The following SEMA6B variants were observed in gnomAD, a reference collection of about 807,000 sequenced individuals.
The protein encoded by SEMA6B is semaphorin 6B, also known as semaphorin-6B.
In SEMA6B, 47 loss-of-function variants were observed where a neutral mutation model predicts 78.6. The ratio of observed to expected loss-of-function variants is 0.60; its 90% CI spans 0.47 to 0.76. The LOEUF (loss-of-function observed/expected upper bound fraction) is 0.76. Ranked by LOEUF, SEMA6B falls within the 30% of genes least tolerant of loss-of-function variation. The pLI is 0.00. For missense variants in SEMA6B, 1,213 were observed against 1,269.9 expected (o/e 0.96, Z 0.68); for synonymous variants, 632 against 592.2 (o/e 1.07, Z -0.98).
At chr19:4,553,228 G>T (rs75750536) in intron 9 of SEMA6B, among the ~76,000 whole-genome samples, 9,369 of 151,724 alleles carry the variant, frequency 0.062, 423 homozygotes, top group Admixed American at 0.14. Context: ...GTGGATGGAT[G>T]AACAGATGGA....
In SEMA6B at chr19:4,542,969, C is replaced by G. The variant is rs374468538; in HGVS notation, c.*632G>C. On this transcript the variant is annotated 3_prime_UTR_variant, in exon 17 of 17. Transcript: ENST00000586582. Reference sequence around the variant, plus strand: ...CCGGGCCTTCTGGAAGCCCCAGCGTCGGCTCAGCCAACGCCCAGGCCGCTG... The same window carrying G: ...CCGGGCCTTCTGGAAGCCCCAGCGTGGGCTCAGCCAACGCCCAGGCCGCTG... 2.9e-6 allele frequency: 2 copies of G among 700,164 alleles called. No individual in the cohort carries two copies. The highest frequency in any genetic ancestry group is 3.0e-5 in the South Asian group (2 of 67,488). The allele number at this position is 700,164 out of a possible 1,614,324, so 43.4% of individuals were successfully genotyped here.
Position 4,548,280 on chromosome 19 carries a change from C to A in SEMA6B, c.1437G>T (p.Glu479Asp). Residue 479 changes from glutamate (E) to aspartate (D), a missense_variant, in exon 13 of 17, where the codon GAG (glutamate) becomes GAT (aspartate). Physicochemically the swap from Glu to Asp is conservative, Grantham distance 45. Transcript: ENST00000586582. ...SGLSVFLEEF[E>D]TYRPDRCGRP... is the part of the protein sequence containing the mutation. Reference sequence around the variant, plus strand: ...AGACTTACCTGTCCGGCCGGTAGGTCTCAAACTCCTCCAGGAAGACACTGA... The same window carrying A: ...AGACTTACCTGTCCGGCCGGTAGGTATCAAACTCCTCCAGGAAGACACTGA... The A allele has an allele frequency of 6.2e-7, 1 of 1,612,330 alleles. No homozygotes were observed. Among genetic ancestry groups the A allele is most frequent in the African/African-American group, 1.3e-5 (1 of 75,020 alleles).
rs368383042 is a variant in SEMA6B at position 4,555,815 on chromosome 19, C to T, written c.471+173G>A. ...CTTCCCCGGCCCCCTGTACAGGCCT[C>T]GTTTGGACAGCGCTGACTCCTCTTG... On this transcript the variant is annotated intron_variant, in intron 6 of 16. Transcript: ENST00000586582. This position sits in a 1 kb window ranked among gnomAD's most constrained non-coding sequence, Gnocchi z 6.1. Among the ~76,000 whole-genome samples, 1 of 152,182 alleles carries T rather than the reference C, an allele frequency of 6.6e-6. No homozygotes were observed. Among genetic ancestry groups the T allele is most frequent in the Non-Finnish European group, 1.5e-5 (1 of 68,026 alleles).
rs1977114357 is a variant in SEMA6B, at chr19:4,544,500, G to C, written c.1768C>G (p.Arg590Gly). ...GLLRASLSED[R>G]AGLVSVNLLV... The stretch of plus-strand genomic sequence containing the variant: ...AGGTTCACCGACACCAGCCCCGCGC[G>C]GTCCTCGGAGAGGCTGGCCCGCAGG... The change falls in exon 17 of 17, where the codon CGC becomes GGC. Residue 590 changes from arginine (R) to glycine (G), a missense_variant. Coordinates refer to ENST00000586582, the MANE Select transcript of SEMA6B (RefSeq NM_032108.4). This position sits in a 1 kb window ranked among gnomAD's most constrained non-coding sequence, Gnocchi z 5.1. 3.8e-6 allele frequency: 6 copies of C among 1,565,862 alleles called. No homozygotes were observed. The highest frequency in any genetic ancestry group is 3.6e-5 in the Admixed American group (2 of 55,692).
chr19:4,558,090 C>A lies in SEMA6B; in HGVS notation c.181G>T (p.Gly61Cys), dbSNP rs756333719. 4.6e-6 allele frequency: 7 copies of A among 1,527,098 alleles called. No homozygotes were observed. Among genetic ancestry groups the A allele is most frequent in the Non-Finnish European group, 6.2e-6 (7 of 1,128,934 alleles). 94.6% of individuals were successfully genotyped at this position (1,527,098 alleles called of 1,614,324 possible). Residue 61 changes from glycine (G) to cysteine (C), a missense_variant, in exon 3 of 17, where the codon GGT (glycine) becomes TGT (cysteine). By Grantham distance (159) the Gly-to-Cys change is radical. Coordinates refer to ENST00000586582, the MANE Select transcript of SEMA6B (RefSeq NM_032108.4). This position sits in a 1 kb window ranked among gnomAD's most constrained non-coding sequence, Gnocchi z 5.1. ...SGPGRLTPAE[G>C]ADDLNIQRVL... is the part of the protein sequence containing the mutation. The stretch of plus-strand genomic sequence containing the variant: ...CGCTGGATGTTGAGGTCGTCAGCAC[C>A]TTCTGCGGGGGTCAGGCGTCCGGGC...
intron 8 of SEMA6B, 36 bp downstream of exon 8, chr19:4,554,940 T>C (rs772809373): frequency 6.2e-6 from 10 of 1,606,190 alleles, no homozygotes; most frequent in Non-Finnish European, 8.5e-6. Context: ...TTCTGGGCCC[T>C]GCCAGGTCTG....
chr19:4,553,936 G>C (rs1977404953), intron 9 of SEMA6B, among the ~76,000 whole-genome samples: 1 of 152,088 alleles, frequency 6.6e-6, no homozygotes, highest in African/African-American at 2.4e-5. Context: ...TGGATGCATG[G>C]ACAGATGGAT....
intron 10 of SEMA6B, among the ~76,000 whole-genome samples, chr19:4,551,711 C>T (rs541534829): frequency 6.6e-6 from 1 of 151,970 alleles, no homozygotes; most frequent in Admixed American, 6.5e-5. Context: ...CGCCTGTAAT[C>T]CCAGCTACTA....
In SEMA6B at chr19:4,558,537, G is replaced by C. The variant is rs1977538404; in HGVS notation, c.-32-48C>G. The C allele has an allele frequency of 8.4e-7, 1 of 1,193,864 alleles. No individual in the cohort carries two copies. Among genetic ancestry groups the C allele is most frequent in the African/African-American group, 1.6e-5 (1 of 63,652 alleles). 74.0% of individuals were successfully genotyped at this position (1,193,864 alleles called of 1,614,324 possible). ...TGAGCGGCCTGCAGTCCCGCTCGTG[G>C]CCACAAGACGGCGGGCGAGAGCAGC... is the stretch of plus-strand genomic sequence containing the variant. On this transcript the variant is annotated intron_variant, in intron 1 of 16. Transcript: ENST00000586582. This position sits in a 1 kb window ranked among gnomAD's most constrained non-coding sequence, Gnocchi z 5.1.
chr19:4,558,089 C>CCTTCTGCG lies in SEMA6B; in HGVS notation c.174_181dup (p.Gly61AlafsTer31). The CCTTCTGCG allele has an allele frequency of 6.5e-7, 1 of 1,526,880 alleles. No individual in the cohort carries two copies. The highest frequency in any genetic ancestry group is 8.9e-7 in the Non-Finnish European group (1 of 1,128,762). 94.6% of individuals were successfully genotyped at this position (1,526,880 alleles called of 1,614,324 possible). On this transcript the variant is annotated frameshift_variant, in exon 3 of 17. Transcript: ENST00000586582. LOFTEE classifies it high-confidence loss of function. The surrounding 1 kb of genome is among the most constrained non-coding windows in gnomAD (Gnocchi z 5.1). ...TCGCTGGATGTTGAGGTCGTCAGCA[C>CCTTCTGCG]CTTCTGCGGGGGTCAGGCGTCCGGG...
intron 12 of SEMA6B, 150 bp from the exon 13 acceptor site, chr19:4,548,595 A>G: frequency 2.7e-6 from 2 of 738,570 alleles, no homozygotes; most frequent in Non-Finnish European, 4.4e-6. Context: ...GATGCCGGGG[A>G]CATGCGTGAC....
chr19:4,546,658 CT>C (rs1977176900), intron 14 of SEMA6B, among the ~76,000 whole-genome samples, 189 bp from the exon 15 acceptor site: 1 of 152,118 alleles, frequency 6.6e-6, no homozygotes, highest in African/African-American at 2.4e-5. Flanking sequence ...GAATTTCGCT[CT>C]TGTCGCCCAG....
rs1000153266 is a variant in SEMA6B at position 4,542,935 on chromosome 19, C to G, written c.*666G>C. ...GGGTTCAAACTCCTAACCGGCACCT[C>G]GGAGACCCCCGGGCCTTCTGGAAGC... On this transcript the variant is annotated 3_prime_UTR_variant, in exon 17 of 17. Coordinates refer to ENST00000586582, the MANE Select transcript of SEMA6B (RefSeq NM_032108.4). 2 of 700,864 alleles carry G rather than the reference C, an allele frequency of 2.9e-6. No individual in the cohort carries two copies. The highest frequency in any genetic ancestry group is 3.0e-5 in the South Asian group (2 of 67,508). 43.4% of individuals were successfully genotyped at this position (700,864 alleles called of 1,614,324 possible).
chr19:4,557,542 C>G (rs1245382558), intron 3 of SEMA6B, among the ~76,000 whole-genome samples: 1 of 152,224 alleles, frequency 6.6e-6, no homozygotes, highest in African/African-American at 2.4e-5. Flanking sequence ...GGAAGCCGCC[C>G]TGCTCAACGT....
chr19:4,554,558 G>T, intron 8 of SEMA6B, 82 bp from the exon 9 acceptor site: 1 of 1,069,372 alleles, frequency 9.4e-7, no homozygotes, highest in East Asian at 2.4e-5. Context: ...GGCTTTTATG[G>T]TGAAGGGGGG....
chr19:4,554,952 GC>G (rs1388012994), intron 8 of SEMA6B, 23 bp downstream of exon 8: 1 of 1,610,842 alleles, frequency 6.2e-7, no homozygotes, highest in Non-Finnish European at 8.5e-7. Flanking sequence ...CCAGGTCTGG[GC>G]CCACTGCCCT....
chr19:4,543,877 G>A lies in SEMA6B; in HGVS notation c.2391C>T (p.Arg797=). The change falls in exon 17 of 17, where the codon CGC becomes CGT. Residue 797 remains arginine, a synonymous_variant. Transcript: ENST00000586582. ...CCGTGGGCGCGGACACCACCCGCCG[G>A]CGGTCCGGGCTGGCGTGGGGGGTGA... ...FPLTPHASPD[R]RRVVSAPTGP... 2.5e-6 allele frequency: 3 copies of A among 1,206,174 alleles called. No homozygotes were observed. Among genetic ancestry groups the A allele is most frequent in the Non-Finnish European group, 3.1e-6 (3 of 971,716 alleles). 74.7% of individuals were successfully genotyped at this position (1,206,174 alleles called of 1,614,324 possible). A position where few individuals can be genotyped will look rare whatever the true frequency, so the allele number is the denominator to read the frequency against.
chr19:4,559,226 G>T (rs1977555227), intron 1 of SEMA6B, among the ~76,000 whole-genome samples: 1 of 149,050 alleles, frequency 6.7e-6, no homozygotes, highest in Non-Finnish European at 1.5e-5. Flanking sequence ...AGCTGGGAAT[G>T]ACAGTACTAC....
chr19:4,551,683 G>T (rs964618160), intron 10 of SEMA6B, among the ~76,000 whole-genome samples: 3 of 151,868 alleles, frequency 2.0e-5, no homozygotes, highest in African/African-American at 7.2e-5. Flanking sequence ...TACAAAATAA[G>T]CTGGGTGTGG....
Sources: allele counts gnomAD v4.1 joint callset (sites outside exome capture counted in the v4.1 genomes callset), GRCh38; gene constraint gnomAD v4.1.1; non-coding constraint Gnocchi (gnomAD v3.1); transcripts MANE v1.5; gene names NCBI Gene and HGNC (gene_info 2026-07-23, HGNC 2026-07-21).